The following RPP14 variants were observed in gnomAD, a reference collection of about 807,000 sequenced individuals.
The protein encoded by RPP14 is ribonuclease P/MRP subunit p14.
A neutral mutation model predicts 17.8 loss-of-function variants in RPP14; 19 were observed. That is an observed-to-expected ratio of 1.07 (90% CI 0.74 to 1.57). The LOEUF (loss-of-function observed/expected upper bound fraction) is 1.57, where lower values mean the gene tolerates loss of function less well. RPP14 is among the 40% of genes most tolerant of loss of function. The probability of loss-of-function intolerance (pLI) is 0.00; values close to 1 mark genes in which losing one functional copy is unlikely to be tolerated. For missense variants in RPP14, 125 were observed against 140.8 expected, an observed-to-expected ratio of 0.89 and a Z score of 0.57; for synonymous variants, 60 against 56.4, an observed-to-expected ratio of 1.06 and a Z score of -0.29.
In RPP14 at chr3:58,310,226, A is replaced by C. The variant is rs964473656; in HGVS notation, c.-21-83A>C. On this transcript the variant is annotated intron_variant, in intron 1 of 5. Coordinates refer to ENST00000295959, the MANE Select transcript of RPP14 (RefSeq NM_007042.6). The stretch of plus-strand genomic sequence containing the variant: ...TGCCTTAAAACAAACAAACAAAAAA[A>C]ACCCAAATAGGCCAAATTCTCATCA... The C allele has an allele frequency of 1.5e-5, 16 of 1,098,314 alleles. No homozygotes were observed. In the African/African-American group the frequency reaches 2.1e-4, roughly 14 times the overall value. 68.0% of individuals were successfully genotyped at this position (1,098,314 alleles called of 1,614,324 possible).
At chr3:58,312,522 T>G (rs1478886215) in intron 3 of RPP14, among the ~76,000 whole-genome samples, 3 of 152,192 alleles carry the variant, frequency 2.0e-5, no homozygotes, top group Non-Finnish European at 4.4e-5. Context: ...TATTCTAATA[T>G]GCCTTCTGTT....
chr3:58,317,648 G>T lies in RPP14; in HGVS notation c.*152G>T. The stretch of plus-strand genomic sequence containing the variant: ...CTAATTTCCAGCCATCACCTTTGGT[G>T]GGGTGGGCTTCGGAGGACAGTCTGT... On this transcript the variant is annotated 3_prime_UTR_variant, in exon 6 of 6. Transcript: ENST00000295959. 1 of 718,792 alleles carries T rather than the reference G, an allele frequency of 1.4e-6. No individual in the cohort carries two copies. Among genetic ancestry groups the T allele is most frequent in the South Asian group, 1.5e-5 (1 of 68,348 alleles). 44.5% of individuals were successfully genotyped at this position (718,792 alleles called of 1,614,324 possible).
At chr3:58,311,490 C>G (rs78555060) in intron 3 of RPP14, among the ~76,000 whole-genome samples, 6,964 of 152,210 alleles carry the variant, frequency 0.046, 556 homozygotes, top group African/African-American at 0.16. Flanking sequence ...TGAGTGAGAA[C>G]ATGCAACAGT....
rs1200283495 is a variant in RPP14 at position 58,318,983 on chromosome 3, ACTC to A, written c.*1489_*1491del. On this transcript the variant is annotated 3_prime_UTR_variant, in exon 6 of 6. Transcript: ENST00000295959. Reference sequence around the variant, plus strand: ...ACTTCAGCCTGGGTGACAGAGCAAAACTCCACCTCAAAAAAAAAAAAAAGATTC... The same window carrying A: ...ACTTCAGCCTGGGTGACAGAGCAAAACACCTCAAAAAAAAAAAAAAGATTC... The A allele has an allele frequency of 1.3e-5, 2 of 150,504 alleles. No individual in the cohort carries two copies. Among genetic ancestry groups the A allele is most frequent in the African/African-American group, 4.9e-5 (2 of 40,746 alleles). The allele number at this position is 150,504 out of a possible 1,614,324, so 9.3% of individuals were successfully genotyped here.
chr3:58,316,484 T>C, intron 3 of RPP14, 31 bp from the exon 4 acceptor site: 1 of 1,581,154 alleles, frequency 6.3e-7, no homozygotes, highest in Non-Finnish European at 8.7e-7. Context: ...ATGGTGAGAA[T>C]AGCCTGCTAA....
intron 3 of RPP14, among the ~76,000 whole-genome samples, chr3:58,314,859 G>C (rs968918224): frequency 1.4e-4 from 22 of 151,742 alleles, no homozygotes; most frequent in African/African-American, 5.3e-4. Context: ...TAATTTTTTT[G>C]TATTTTTAGT....
At chr3:58,309,938 A>C (rs2097480319) in intron 1 of RPP14, 1 of 176,390 alleles carries the variant, frequency 5.7e-6, no homozygotes, top group African/African-American at 2.4e-5. Flanking sequence ...GGTGGCTCAC[A>C]CTTGTAATCC....
At chr3:58,316,615 C>G in intron 4 of RPP14, 24 bp downstream of exon 4, 1 of 1,593,034 alleles carries the variant, frequency 6.3e-7, no homozygotes. Context: ...TGGGAAATTT[C>G]TAGTATAACA....
chr3:58,318,793 A>C lies in RPP14; in HGVS notation c.*1297A>C, dbSNP rs978043694. 1.3e-5 allele frequency: 2 copies of C among 152,126 alleles called. No homozygotes were observed. Among genetic ancestry groups the C allele is most frequent in the Non-Finnish European group, 2.9e-5 (2 of 68,054 alleles). 9.4% of individuals were successfully genotyped at this position (152,126 alleles called of 1,614,324 possible). The stretch of plus-strand genomic sequence containing the variant: ...GGCAGGCGAATCACTTGAGGTCAGG[A>C]GTTCAAGACCAGCCTGGCCAACATG... On this transcript the variant is annotated 3_prime_UTR_variant, in exon 6 of 6. Coordinates refer to ENST00000295959, the MANE Select transcript of RPP14 (RefSeq NM_007042.6).
At position 58,317,552 on chromosome 3, in the gene RPP14, G is replaced by C; in HGVS notation, c.*56G>C. 8.2e-7 allele frequency: 1 copy of C among 1,217,456 alleles called. No individual in the cohort carries two copies. Among genetic ancestry groups the C allele is most frequent in the East Asian group, 2.3e-5 (1 of 43,122 alleles). The allele number at this position is 1,217,456 out of a possible 1,614,324, so 75.4% of individuals were successfully genotyped here. On this transcript the variant is annotated 3_prime_UTR_variant, in exon 6 of 6. Coordinates refer to ENST00000295959, the MANE Select transcript of RPP14 (RefSeq NM_007042.6). Reference sequence around the variant, plus strand: ...TCCACTCTCATATTTATTTTTTGGTGCCTGCATGTTTGAAGACTGAAGCAG... The same window carrying C: ...TCCACTCTCATATTTATTTTTTGGTCCCTGCATGTTTGAAGACTGAAGCAG...
chr3:58,316,428 G>T, intron 3 of RPP14, 87 bp from the exon 4 acceptor site: 3 of 1,245,930 alleles, frequency 2.4e-6, no homozygotes, highest in Non-Finnish European at 3.5e-6. Context: ...GAGGAGAAAA[G>T]CTCAAAACTC....
chr3:58,306,922 A>T (rs1002329061), intron 1 of RPP14, among the ~76,000 whole-genome samples: 1 of 152,222 alleles, frequency 6.6e-6, no homozygotes, highest in Non-Finnish European at 1.5e-5. Flanking sequence ...AATGCTACGA[A>T]GAAGAAAGCA....
At chr3:58,308,914 G>A (rs2097478807) in intron 1 of RPP14, among the ~76,000 whole-genome samples, 1 of 152,254 alleles carries the variant, frequency 6.6e-6, no homozygotes, top group African/African-American at 2.4e-5. Context: ...CAGAGGGAGA[G>A]CAAGGTTGGC....
chr3:58,307,919 A>G (rs892896091), intron 1 of RPP14: 1 of 150,410 alleles, frequency 6.6e-6, no homozygotes, highest in Admixed American at 6.6e-5. Context: ...TATCGTAAGT[A>G]GCATTGAGTA....
chr3:58,309,469 A>T (rs1005728468), intron 1 of RPP14, among the ~76,000 whole-genome samples: 2 of 152,254 alleles, frequency 1.3e-5, no homozygotes, highest in East Asian at 3.8e-4. Flanking sequence ...AGCCAAAATT[A>T]TGTTGTTATG....
In RPP14 at chr3:58,317,733, C is replaced by A; in HGVS notation, c.*237C>A. On this transcript the variant is annotated 3_prime_UTR_variant, in exon 6 of 6. Transcript: ENST00000295959. Reference sequence around the variant, plus strand: ...AGCATATGCACATCAAAGTTGGAGACCGCGCTGAACTTAGGAGGGCCTTCA... The same window carrying A: ...AGCATATGCACATCAAAGTTGGAGAACGCGCTGAACTTAGGAGGGCCTTCA... The A allele has an allele frequency of 1.4e-6, 1 of 703,556 alleles. No individual in the cohort carries two copies. The allele number at this position is 703,556 out of a possible 1,614,324, so 43.6% of individuals were successfully genotyped here.
chr3:58,307,168 G>A (rs2097476195), intron 1 of RPP14, among the ~76,000 whole-genome samples: 1 of 152,212 alleles, frequency 6.6e-6, no homozygotes, highest in African/African-American at 2.4e-5. Context: ...AGCGGAGGGA[G>A]AATGGCAGGA....
chr3:58,313,625 C>T (rs2107505543), intron 3 of RPP14, among the ~76,000 whole-genome samples: 1 of 152,228 alleles, frequency 6.6e-6, no homozygotes, highest in Admixed American at 6.5e-5. Flanking sequence ...GAGTTCCAGG[C>T]CAGCCTGGGT....
chr3:58,307,540 A>G (rs2097476828), intron 1 of RPP14, among the ~76,000 whole-genome samples: 2 of 152,000 alleles, frequency 1.3e-5, no homozygotes, highest in Admixed American at 1.3e-4. Context: ...GCCTGGGCCA[A>G]CATGGCGAAA....
Sources: allele counts gnomAD v4.1 joint callset (sites outside exome capture counted in the v4.1 genomes callset), GRCh38; gene constraint gnomAD v4.1.1; transcripts MANE v1.5; gene names NCBI Gene and HGNC (gene_info 2026-07-23, HGNC 2026-07-21).